Variants in SEZ6L observed in about 807,000 individuals in gnomAD.
SEZ6L encodes seizure 6-like protein.
A neutral mutation model predicts 106.2 loss-of-function variants in SEZ6L; 37 were observed. The observed-to-expected ratio is 0.35, with a 90% CI of 0.27 to 0.46. The LOEUF (loss-of-function observed/expected upper bound fraction) is 0.46, where lower values mean the gene tolerates loss of function less well. Ranked by LOEUF, SEZ6L falls within the 20% of genes least tolerant of loss-of-function variation. The pLI is 1.00. For synonymous variants in SEZ6L, 541 were observed against 570.4 expected (o/e 0.95, Z 0.73); for missense variants, 1,172 against 1,332.8 (o/e 0.88, Z 1.88).
At chr22:26,296,793 C>T (rs1178923988) in intron 3 of SEZ6L, 95 bp from the exon 4 acceptor site, 2 of 1,134,720 alleles carry the variant, frequency 1.8e-6, no homozygotes, top group Admixed American at 3.1e-5. Flanking sequence ...CTAGCAGTAC[C>T]TGGGCCACTT....
At chr22:26,257,770 G>T (rs757741833) in intron 1 of SEZ6L, among the ~76,000 whole-genome samples, 3 of 152,102 alleles carry the variant, frequency 2.0e-5, no homozygotes, top group Non-Finnish European at 4.4e-5. Flanking sequence ...GGTGTCTGCC[G>T]CTCACCGATC....
chr22:26,351,550 TTG>T (rs1491020514), intron 12 of SEZ6L: 66 of 279,956 alleles, frequency 2.4e-4, no homozygotes, highest in African/African-American at 1.3e-3. Flanking sequence ...TGTTTGTTGG[TTG>T]GTTGGTTGGT....
At chr22:26,373,526 C>G (rs5761501) in intron 14 of SEZ6L, 43 bp downstream of exon 14, 1 of 1,478,676 alleles carries the variant, frequency 6.8e-7, no homozygotes, top group Non-Finnish European at 9.3e-7. Flanking sequence ...ATAAATCAAA[C>G]TAATAGCACA....
chr22:26,377,908 G>A lies in SEZ6L; in HGVS notation c.3045+133G>A, dbSNP rs1276632766. On this transcript the variant is annotated intron_variant, in intron 16 of 16. Transcript: ENST00000248933. ...AGTGGTCCTGTCTTATCCCCACCAA[G>A]AGCCCTAAAGAGATAAATGCTGGGA... 19 of 657,822 alleles carry A rather than the reference G, an allele frequency of 2.9e-5. No homozygotes were observed. The Admixed American group carries it at 4.7e-4, about 16-fold the overall frequency. The allele number at this position is 657,822 out of a possible 1,614,324, so 40.7% of individuals were successfully genotyped here.
chr22:26,380,522 C>T lies in SEZ6L; in HGVS notation c.*227C>T. The T allele has an allele frequency of 2.3e-6, 1 of 431,606 alleles. No homozygotes were observed. Among genetic ancestry groups the T allele is most frequent in the African/African-American group, 2.0e-5 (1 of 50,716 alleles). 26.7% of individuals were successfully genotyped at this position (431,606 alleles called of 1,614,324 possible). A position where few individuals can be genotyped will look rare whatever the true frequency, so the allele number is the denominator to read the frequency against. On this transcript the variant is annotated 3_prime_UTR_variant, in exon 17 of 17. Transcript: ENST00000248933. ...GCCTCAGCCAAATTCATGTTACAGC[C>T]TCAATTCTGAAGGCAGGTGGAAGAC...
intron 1 of SEZ6L, among the ~76,000 whole-genome samples, chr22:26,201,382 C>CAAAAAAAAAAAAAAAAAAAAAAAAA (rs71192905): frequency 1.9e-4 from 14 of 75,222 alleles, no homozygotes; most frequent in East Asian, 4.3e-4. Context: ...TACAAAAATA[C>CAAAAAAAAAAAAAAAAAAAAAAAAA]AAAAAAAAAA....
At chr22:26,279,437 T>G (rs1226678215) in intron 1 of SEZ6L, among the ~76,000 whole-genome samples, 1 of 152,188 alleles carries the variant, frequency 6.6e-6, no homozygotes, top group Non-Finnish European at 1.5e-5. Context: ...AGAGTCAATC[T>G]GTGACCCCAT....
intron 1 of SEZ6L, among the ~76,000 whole-genome samples, chr22:26,277,346 C>T (rs1467933895): frequency 6.6e-6 from 1 of 152,202 alleles, no homozygotes; most frequent in Non-Finnish European, 1.5e-5. Flanking sequence ...GTTTCTGCAG[C>T]AGACTCAGGA....
intron 1 of SEZ6L, among the ~76,000 whole-genome samples, chr22:26,170,038 C>T (rs1033156597): frequency 1.3e-5 from 2 of 152,136 alleles, no homozygotes; most frequent in Admixed American, 6.5e-5. Context: ...TTCTCCTTTG[C>T]AGCCAAAGAG....
chr22:26,357,328 C>A (rs1432707820), intron 12 of SEZ6L, among the ~76,000 whole-genome samples: 1 of 152,160 alleles, frequency 6.6e-6, no homozygotes, highest in African/African-American at 2.4e-5. Flanking sequence ...AGTTTGGGAA[C>A]CCTGGCACTA....
Position 26,340,484 on chromosome 22 carries a change from G to A in SEZ6L, c.2064G>A (p.Glu688=), listed in dbSNP as rs1465725300. 4 of 1,613,908 alleles carry A rather than the reference G, an allele frequency of 2.5e-6. No homozygotes were observed. Among genetic ancestry groups the A allele is most frequent in the Non-Finnish European group, 3.4e-6 (4 of 1,179,968 alleles). The change falls in exon 10 of 17, where the codon GAG becomes GAA. Residue 688 remains glutamate (E), a synonymous_variant. Transcript: ENST00000248933. The part of the protein sequence containing the change: ...SDILTIYDGD[E]VMPHILGQYL... ...TCTTGACCATCTACGATGGCGACGA[G>A]GTCATGCCCCACATCTTGGGGCAGT... is the stretch of plus-strand genomic sequence containing the variant.
At chr22:26,245,320 A>G (rs1334194396) in intron 1 of SEZ6L, among the ~76,000 whole-genome samples, 2 of 152,126 alleles carry the variant, frequency 1.3e-5, no homozygotes. Flanking sequence ...AAAAACTGGG[A>G]TGCAGTAAAA....
At chr22:26,326,331 G>T (rs1197444337) in intron 9 of SEZ6L, among the ~76,000 whole-genome samples, 3 of 152,138 alleles carry the variant, frequency 2.0e-5, no homozygotes, top group South Asian at 4.1e-4. Flanking sequence ...CCTGACATGC[G>T]CTGTCCTCCT....
chr22:26,169,490 G>C lies in SEZ6L; in HGVS notation c.-180G>C, dbSNP rs1362661743. On this transcript the variant is annotated 5_prime_UTR_variant, in exon 1 of 17. Coordinates refer to ENST00000248933, the MANE Select transcript of SEZ6L (RefSeq NM_021115.5). ...CGCCCGCCCGCGCCCGGCGCAGCTC[G>C]GCCAGAGCGACCGCGGGGCTGAGCG... 5.8e-6 allele frequency: 2 copies of C among 344,268 alleles called. No homozygotes were observed. Among genetic ancestry groups the C allele is most frequent in the East Asian group, 4.4e-5 (1 of 22,702 alleles). 21.3% of individuals were successfully genotyped at this position (344,268 alleles called of 1,614,324 possible). A position where few individuals can be genotyped will look rare whatever the true frequency, so the allele number is the denominator to read the frequency against.
chr22:26,353,317 T>G (rs533840512), intron 12 of SEZ6L, among the ~76,000 whole-genome samples: 1 of 152,318 alleles, frequency 6.6e-6, no homozygotes, highest in East Asian at 1.9e-4. Context: ...TAAACATGTG[T>G]TTTTGTGTAT....
At chr22:26,346,336 C>A (rs76350630) in intron 10 of SEZ6L, among the ~76,000 whole-genome samples, 1,842 of 152,286 alleles carry the variant, frequency 0.012, 39 homozygotes, top group African/African-American at 0.042. Context: ...GCCACTGTGC[C>A]CACCTTCTTT....
chr22:26,220,857 G>C (rs548148611), intron 1 of SEZ6L, among the ~76,000 whole-genome samples: 1 of 152,046 alleles, frequency 6.6e-6, no homozygotes, highest in East Asian at 1.9e-4. Context: ...AAAGGAAGGG[G>C]GAATGTGCTT....
intron 12 of SEZ6L, 121 bp downstream of exon 12, chr22:26,351,364 C>T (rs895932809): frequency 3.9e-6 from 3 of 776,856 alleles, no homozygotes; most frequent in African/African-American, 3.5e-5. Context: ...CTTTTATTAT[C>T]ATTACTATGA....
intron 1 of SEZ6L, among the ~76,000 whole-genome samples, chr22:26,171,224 T>C (rs947135931): frequency 2.0e-5 from 3 of 152,154 alleles, no homozygotes; most frequent in African/African-American, 7.2e-5. Context: ...ATGTCCACAA[T>C]TTACACCAGG....
Sources: gnomAD v4.1 joint callset for allele counts (sites outside exome capture counted in the v4.1 genomes callset) on GRCh38, gnomAD v4.1.1 for gene constraint, MANE v1.5 for transcripts, NCBI Gene and HGNC (gene_info 2026-07-23, HGNC 2026-07-21) for gene names.